Variants in DYSF observed in about 807,000 individuals in gnomAD.
DYSF encodes the protein dystrophy-associated fer-1-like 1.
A neutral mutation model predicts 274.9 loss-of-function variants in DYSF; 212 were observed. The ratio of observed to expected loss-of-function variants is 0.77; its 90% CI spans 0.69 to 0.86. The LOEUF is 0.86. Ranked by LOEUF, DYSF falls within the 40% of genes least tolerant of loss-of-function variation. DYSF has a pLI of 0.00. For missense variants in DYSF, 2,666 were observed against 2,783.2 expected (o/e 0.96, Z 0.95); for synonymous variants, 1,091 against 1,078.7 (o/e 1.01, Z -0.22).
chr2:71,499,391 G>A (rs192367137), intron 3 of DYSF, among the ~76,000 whole-genome samples: 35 of 152,330 alleles, frequency 2.3e-4, no homozygotes, highest in Non-Finnish European at 4.3e-4. Flanking sequence ...TGATGGACAC[G>A]TGAATTGCCT....
intron 17 of DYSF, among the ~76,000 whole-genome samples, chr2:71,549,805 T>C (rs888767647): frequency 6.6e-6 from 1 of 152,054 alleles, no homozygotes; most frequent in South Asian, 2.1e-4. Context: ...AAATCATAAT[T>C]GAGATGATTA....
rs1036701836 is a variant in DYSF, at chr2:71,665,124, T to A, written c.5175-38T>A. 3 of 1,612,190 alleles carry A rather than the reference T, an allele frequency of 1.9e-6. No individual in the cohort carries two copies. The South Asian group carries it at 3.3e-5, about 18-fold the overall frequency. ...TGCCCCTCTACCCTCATGAGTGTCC[T>A]TGAAGCATCTCATCTATGTCTTGTG... is the stretch of plus-strand genomic sequence containing the variant. On this transcript the variant is annotated intron_variant, in intron 46 of 55. Transcript: ENST00000410020.
intron 30 of DYSF, among the ~76,000 whole-genome samples, chr2:71,586,206 G>A (rs998570973): frequency 3.9e-5 from 6 of 152,158 alleles, no homozygotes; most frequent in African/African-American, 9.7e-5. Context: ...TTGGCCAGGC[G>A]TGTGGGTGGA....
chr2:71,637,886 G>C (rs542869644), intron 41 of DYSF, among the ~76,000 whole-genome samples: 16 of 152,266 alleles, frequency 1.1e-4, no homozygotes, highest in African/African-American at 3.9e-4. Flanking sequence ...TTTACCTGTG[G>C]GATGCAGGAC....
chr2:71,550,939 G>C, intron 17 of DYSF, 102 bp from the exon 18 acceptor site: 1 of 934,412 alleles, frequency 1.1e-6, no homozygotes, highest in East Asian at 2.4e-5. Context: ...CATGTGGGGG[G>C]GAACTGAGGG....
rs2089165897 is a variant in DYSF at position 71,535,012 on chromosome 2, G to A, written c.1381-9G>A. ...CTTGATCAACTTGTCCCCTCCCTGTGTCTTCTAGCTGTGCAGCAAGATCTT... is the reference window on the plus strand; with the variant it reads ...CTTGATCAACTTGTCCCCTCCCTGTATCTTCTAGCTGTGCAGCAAGATCTT... On this transcript the variant is annotated splice_polypyrimidine_tract_variant and intron_variant, in intron 14 of 55. Transcript: ENST00000410020. The A allele has an allele frequency of 6.2e-7, 1 of 1,614,034 alleles. No homozygotes were observed. The highest frequency in any genetic ancestry group is 1.3e-5 in the African/African-American group (1 of 74,918).
At chr2:71,677,498 A>G (rs2095240784) in intron 52 of DYSF, among the ~76,000 whole-genome samples, 1 of 152,192 alleles carries the variant, frequency 6.6e-6, no homozygotes, top group Non-Finnish European at 1.5e-5. Context: ...AAGAATTTTC[A>G]TATGGTTCAA....
At chr2:71,462,895 G>T (rs1166931197), upstream of DYSF, among the ~76,000 whole-genome samples, 2 of 152,204 alleles carry the variant, frequency 1.3e-5, no homozygotes, top group African/African-American at 4.8e-5. Flanking sequence ...GGAAGTGTGT[G>T]CTGTTTGGTC....
At chr2:71,659,156 C>G (rs1280821337) in intron 44 of DYSF, 123 bp downstream of exon 44, 1 of 1,343,388 alleles carries the variant, frequency 7.4e-7, no homozygotes, top group East Asian at 2.4e-5. Flanking sequence ...GACAAACACA[C>G]AAAACTGAGA....
rs542138231 is a variant in DYSF at position 71,550,942 on chromosome 2, A to G, written c.1577-99A>G. On this transcript the variant is annotated intron_variant, in intron 17 of 55. Transcript: ENST00000410020. ...CTGCATCTGGTGCATGTGGGGGGGA[A>G]CTGAGGGCCAGGGGTGGGCTCAGGT... 7.2e-6 allele frequency: 7 copies of G among 974,008 alleles called. No homozygotes were observed. In the East Asian group the frequency reaches 9.6e-5, roughly 13 times the overall value. 60.3% of individuals were successfully genotyped at this position (974,008 alleles called of 1,614,324 possible).
rs747615403 is a variant in DYSF, at chr2:71,658,936, A to T, written c.4814A>T (p.Gln1605Leu). The T allele has an allele frequency of 2.5e-6, 4 of 1,614,112 alleles. No homozygotes were observed. The African/African-American group carries it at 5.3e-5, about 22-fold the overall frequency. Residue 1605 changes from glutamine to leucine, a missense_variant, in exon 44 of 56, where the codon CAG becomes CTG. Physicochemically the swap from Gln to Leu is moderately radical, Grantham distance 113 (BLOSUM62 -2). Around this residue, in one of 3 missense-constraint regions of DYSF, gnomAD observed 1,460 missense variants for 1,502.1 expected, o/e 0.97. Coordinates refer to ENST00000410020, the MANE Select transcript of DYSF (RefSeq NM_001130987.2). ...CCAGCCATCCCCATGCCCCCAAGAC[A>T]GTTCCACCAGCTGGCCGCCCAGGGA... ...EDPAIPMPPRQFHQLAAQGPQ... is the reference protein window; with the variant it reads ...EDPAIPMPPRLFHQLAAQGPQ...
chr2:71,471,615 C>A (rs951631020), intron 1 of DYSF, among the ~76,000 whole-genome samples: 2 of 152,228 alleles, frequency 1.3e-5, no homozygotes, highest in Admixed American at 6.5e-5. Context: ...CCCCATTTCT[C>A]CACCAGAAGT....
At chr2:71,542,462 G>A (rs2090012152) in intron 17 of DYSF, among the ~76,000 whole-genome samples, 1 of 151,970 alleles carries the variant, frequency 6.6e-6, no homozygotes, top group South Asian at 2.1e-4. Flanking sequence ...TAGAGGGAAG[G>A]TCAGCAGATA....
chr2:71,592,131 T>C (rs2093283425), intron 32 of DYSF, among the ~76,000 whole-genome samples: 1 of 152,048 alleles, frequency 6.6e-6, no homozygotes, highest in African/African-American at 2.4e-5. Flanking sequence ...AGCGGGTTTG[T>C]GAGAGGGGGA....
Position 71,520,794 on chromosome 2 carries a change from G to A in DYSF, c.1039G>A (p.Ala347Thr), listed in dbSNP as rs745746091. ...GAGGATGTTGTCTCTCTTAGGGCACGCCTATCTCAGGAAGTGGCTGCTGCT... is the reference window on the plus strand; with the variant it reads ...GAGGATGTTGTCTCTCTTAGGGCACACCTATCTCAGGAAGTGGCTGCTGCT... ...VGTIYREPRH[A>T]YLRKWLLLSD... Residue 347 changes from alanine (A) to threonine (T), a missense_variant, in exon 12 of 56, where the codon GCC (alanine) becomes ACC (threonine). Transcript: ENST00000410020. The A allele has an allele frequency of 3.2e-5, 52 of 1,613,764 alleles. No individual in the cohort carries two copies. The African/African-American group carries it at 5.5e-4, about 17-fold the overall frequency.
chr2:71,659,633 T>C (rs997485932), intron 44 of DYSF, among the ~76,000 whole-genome samples: 2 of 152,272 alleles, frequency 1.3e-5, no homozygotes, highest in African/African-American at 4.8e-5. Flanking sequence ...ATTAAAGTAC[T>C]GTTTATCTTA....
At chr2:71,592,957 C>A (rs749348534) in intron 32 of DYSF, among the ~76,000 whole-genome samples, 2 of 152,136 alleles carry the variant, frequency 1.3e-5, no homozygotes, top group Admixed American at 6.5e-5. Context: ...GCCATCCAGA[C>A]GGCCTGAGGG....
intron 30 of DYSF, among the ~76,000 whole-genome samples, chr2:71,582,729 T>C (rs928273748): frequency 1.2e-4 from 18 of 152,144 alleles, no homozygotes; most frequent in African/African-American, 4.3e-4. Flanking sequence ...GTGTAGCTGT[T>C]CCTGCCATGA....
chr2:71,555,821 T>G, intron 21 of DYSF, 144 bp from the exon 22 acceptor site: 1 of 705,374 alleles, frequency 1.4e-6, no homozygotes, highest in Non-Finnish European at 2.6e-6. Context: ...AGACCCTGGT[T>G]TGTTGGGCCT....
Sources: gnomAD v4.1 joint callset for allele counts (sites outside exome capture counted in the v4.1 genomes callset) on GRCh38, gnomAD v4.1.1 for gene constraint, gnomAD v4.1.1 regional missense constraint, MANE v1.5 for transcripts, NCBI Gene and HGNC (gene_info 2026-07-23, HGNC 2026-07-21) for gene names.